Variants in SEMA5A observed in about 807,000 individuals in gnomAD.
SEMA5A encodes the protein semaphorin 5A.
Under a neutral mutation model 135.5 loss-of-function variants are expected in SEMA5A, and 55 were observed. The ratio of observed to expected loss-of-function variants is 0.41; its 90% confidence interval spans 0.33 to 0.51. The LOEUF (loss-of-function observed/expected upper bound fraction) is 0.51, where lower values mean the gene tolerates loss of function less well. SEMA5A is among the 20% of genes least tolerant of loss of function. SEMA5A has a pLI of 0.37. For missense variants in SEMA5A, 1,290 were observed against 1,419.9 expected (o/e 0.91, Z 1.47); for synonymous variants, 580 against 546.5 (o/e 1.06, Z -0.85).
intron 8 of SEMA5A, among the ~76,000 whole-genome samples, chr5:9,214,592 A>G (rs933432749): frequency 6.6e-6 from 1 of 152,146 alleles, no homozygotes; most frequent in Non-Finnish European, 1.5e-5. Context: ...GTAGGTCCTT[A>G]CTCAGGGATC....
intron 1 of SEMA5A, among the ~76,000 whole-genome samples, chr5:9,511,594 C>T (rs981677944): frequency 3.9e-5 from 6 of 151,954 alleles, no homozygotes; most frequent in African/African-American, 1.5e-4. Flanking sequence ...TAATTTGTGC[C>T]CCAGGTATAA....
At chr5:9,357,430 G>A (rs747541975) in intron 3 of SEMA5A, among the ~76,000 whole-genome samples, 5 of 152,128 alleles carry the variant, frequency 3.3e-5, no homozygotes, top group Non-Finnish European at 5.9e-5. Flanking sequence ...TATAATTAGC[G>A]AGAATTGTTT....
intron 1 of SEMA5A, among the ~76,000 whole-genome samples, chr5:9,449,603 A>T (rs546282760): frequency 6.6e-6 from 1 of 152,288 alleles, no homozygotes; most frequent in South Asian, 2.1e-4. Flanking sequence ...AAAGAACAAC[A>T]GTTTGATGAA....
intron 5 of SEMA5A, among the ~76,000 whole-genome samples, chr5:9,317,347 G>A (rs958051056): frequency 3.9e-5 from 6 of 152,152 alleles, no homozygotes; most frequent in Non-Finnish European, 8.8e-5. Context: ...CGCCATGCTA[G>A]TATGGAGTTG....
intron 8 of SEMA5A, among the ~76,000 whole-genome samples, chr5:9,219,837 C>T (rs1746832510): frequency 6.6e-6 from 1 of 152,162 alleles, no homozygotes; most frequent in Non-Finnish European, 1.5e-5. Flanking sequence ...ATGGGGTAGG[C>T]TGAGCTGAAA....
intron 4 of SEMA5A, among the ~76,000 whole-genome samples, chr5:9,319,572 T>A (rs1752536462): frequency 6.6e-6 from 1 of 151,918 alleles, no homozygotes; most frequent in Non-Finnish European, 1.5e-5. Context: ...TGGCATCATG[T>A]AAATGGGAAG....
intron 15 of SEMA5A, 120 bp from the exon 16 acceptor site, chr5:9,108,407 C>A (rs1740044578): frequency 8.5e-7 from 1 of 1,174,666 alleles, no homozygotes; most frequent in East Asian, 2.5e-5. Flanking sequence ...CGTGGAGGAG[C>A]TTTTTGTATT....
intron 4 of SEMA5A, among the ~76,000 whole-genome samples, chr5:9,325,112 C>T (rs1233354705): frequency 6.6e-6 from 1 of 152,160 alleles, no homozygotes; most frequent in Non-Finnish European, 1.5e-5. Context: ...AGGAATGATT[C>T]TATACTTCTA....
chr5:9,523,486 A>G (rs1736951780), intron 1 of SEMA5A, among the ~76,000 whole-genome samples: 1 of 152,232 alleles, frequency 6.6e-6, no homozygotes, highest in Admixed American at 6.5e-5. Flanking sequence ...TGTTTACAAA[A>G]ATTCAAAAAG....
intron 8 of SEMA5A, among the ~76,000 whole-genome samples, chr5:9,203,605 A>G (rs1745843824): frequency 6.6e-6 from 1 of 152,210 alleles, no homozygotes. Flanking sequence ...CAATACCTAT[A>G]TTCGATATTT....
At chr5:9,230,863 G>T (rs1459608644) in intron 6 of SEMA5A, among the ~76,000 whole-genome samples, 1 of 152,150 alleles carries the variant, frequency 6.6e-6, no homozygotes, top group Admixed American at 6.5e-5. Flanking sequence ...ACGAGTGGAG[G>T]TGGGTGGTAT....
intron 16 of SEMA5A, among the ~76,000 whole-genome samples, chr5:9,080,955 T>C (rs1738346295): frequency 6.6e-6 from 1 of 152,322 alleles, no homozygotes; most frequent in Admixed American, 6.5e-5. Flanking sequence ...GTGAAGATGA[T>C]GGGATAGTCA....
At chr5:9,051,620 T>A (rs1207805868) in intron 20 of SEMA5A, among the ~76,000 whole-genome samples, 1 of 152,156 alleles carries the variant, frequency 6.6e-6, no homozygotes, top group African/African-American at 2.4e-5. Context: ...TTGAGCAAAG[T>A]CTTCTGATTG....
intron 16 of SEMA5A, among the ~76,000 whole-genome samples, chr5:9,093,966 C>T (rs1442860762): frequency 5.9e-5 from 9 of 152,100 alleles, no homozygotes; most frequent in South Asian, 4.1e-4. Context: ...GTGCCCTTGA[C>T]CCTCCACACC....
Position 9,224,408 on chromosome 5 carries a change from A to AG in SEMA5A, c.646+265_646+266insC, listed in dbSNP as rs901624807. The stretch of plus-strand genomic sequence containing the variant: ...TTCTAGACATTAAACAACAATATAA[A>AG]AAAAAACAGCAAGTTTCTATAAGTG... On this transcript the variant is annotated intron_variant, in intron 8 of 22. Coordinates refer to ENST00000382496, the MANE Select transcript of SEMA5A (RefSeq NM_003966.3). Among the ~76,000 whole-genome samples the AG allele has an allele frequency of 5.5e-4, 84 of 151,724 alleles. 1 individual carries two copies. Among genetic ancestry groups the AG allele is most frequent in the Non-Finnish European group, 2.4e-4 (16 of 67,922 alleles).
In SEMA5A at chr5:9,039,417, G is replaced by C. The variant is rs1437575912; in HGVS notation, c.*3480C>G. The C allele has an allele frequency of 1.3e-5, 2 of 152,242 alleles. No homozygotes were observed. Among genetic ancestry groups the C allele is most frequent in the Non-Finnish European group, 2.9e-5 (2 of 68,074 alleles). 9.4% of individuals were successfully genotyped at this position (152,242 alleles called of 1,614,324 possible). On this transcript the variant is annotated 3_prime_UTR_variant, in exon 23 of 23. Coordinates refer to ENST00000382496, the MANE Select transcript of SEMA5A (RefSeq NM_003966.3). ...ATGACATGAACGGACTCTTCCTAGGGACAGAGGTTTCTCCCCAGCAGGGAT... is the reference window on the plus strand; with the variant it reads ...ATGACATGAACGGACTCTTCCTAGGCACAGAGGTTTCTCCCCAGCAGGGAT...
chr5:9,450,261 T>C (rs1431470089), intron 1 of SEMA5A, among the ~76,000 whole-genome samples: 1 of 152,174 alleles, frequency 6.6e-6, no homozygotes, highest in Non-Finnish European at 1.5e-5. Context: ...CGGTGGCCAA[T>C]AGGGACCAAG....
chr5:9,438,197 T>G (rs766539895), intron 1 of SEMA5A, among the ~76,000 whole-genome samples: 45 of 152,270 alleles, frequency 3.0e-4, no homozygotes, highest in Non-Finnish European at 5.1e-4. Context: ...AAAATTAAAT[T>G]AAGATTCATT....
rs567192868 is a variant in SEMA5A, at chr5:9,217,438, C to T, written c.646+7236G>A. 1.2e-4 allele frequency among the ~76,000 whole-genome samples: 18 copies of T among 152,218 alleles called. No homozygotes were observed. The South Asian group carries it at 2.5e-3, about 21-fold the overall frequency. ...GCCATTAACATTCTTTCTTTCATTT[C>T]GACCATGGAAAATCTGATGACTGTG... is the stretch of plus-strand genomic sequence containing the variant. On this transcript the variant is annotated intron_variant, in intron 8 of 22. Coordinates refer to ENST00000382496, the MANE Select transcript of SEMA5A (RefSeq NM_003966.3).
Sources: allele counts gnomAD v4.1 joint callset (sites outside exome capture counted in the v4.1 genomes callset), GRCh38; gene constraint gnomAD v4.1.1; transcripts MANE v1.5; gene names NCBI Gene and HGNC (gene_info 2026-07-23, HGNC 2026-07-21).